The following TBL1X variants were observed in gnomAD, a reference collection of about 807,000 sequenced individuals.
TBL1X encodes the protein transducin beta like 1 X-linked, also known as F-box-like/WD repeat-containing protein TBL1X.
Under a neutral mutation model 50.7 loss-of-function variants are expected in TBL1X, and 10 were observed. The observed-to-expected ratio is 0.20, with a 90% CI of 0.12 to 0.33. The LOEUF is 0.33. Among genes scored for constraint, TBL1X ranks in the 10% least tolerant of loss-of-function variants. The pLI, the probability that TBL1X is intolerant of heterozygous loss-of-function variation, is 1.00. For missense variants in TBL1X, 340 were observed against 504.4 expected (o/e 0.67, Z 3.12); for synonymous variants, 190 against 214.7 (o/e 0.88, Z 1.01).
At chrX:9,479,970 G>GTGTGTGTGTGTGT (rs2081871803) in intron 1 of TBL1X, among the ~76,000 whole-genome samples, 2 of 109,860 alleles carry the variant, frequency 1.8e-5, no homozygotes, top group African/African-American at 3.3e-5. Flanking sequence ...GTGTGTTTGA[G>GTGTGTGTGTGTGT]ATGGAGTTTT....
At chrX:9,654,452 T>G in intron 5 of TBL1X, 130 bp downstream of exon 5, 1 of 729,194 alleles carries the variant, frequency 1.4e-6, no homozygotes, top group Non-Finnish European at 2.1e-6. Flanking sequence ...TTAGTGCTGA[T>G]GGGGAGAAGA....
intron 2 of TBL1X, among the ~76,000 whole-genome samples, chrX:9,526,548 T>C (rs184295214): frequency 1.3e-4 from 14 of 111,107 alleles, no homozygotes; most frequent in Admixed American, 1.1e-3. Context: ...TTTTCGGTTC[T>C]AAGCCCTGTG....
intron 1 of TBL1X, among the ~76,000 whole-genome samples, chrX:9,501,189 C>T (rs1420689324): frequency 6.3e-5 from 7 of 111,983 alleles, no homozygotes; most frequent in East Asian, 5.6e-4. Flanking sequence ...GTCAGACTGA[C>T]GTGGGTTTCA....
chrX:9,579,837 A>C (rs1360287087), intron 2 of TBL1X, among the ~76,000 whole-genome samples: 2 of 110,673 alleles, frequency 1.8e-5, no homozygotes, highest in Non-Finnish European at 3.8e-5. Flanking sequence ...ATGTTCTTTC[A>C]ACCACCGTGA....
intron 2 of TBL1X, among the ~76,000 whole-genome samples, chrX:9,611,049 C>A (rs996582756): frequency 8.9e-6 from 1 of 111,763 alleles, no homozygotes; most frequent in African/African-American, 3.3e-5. Context: ...CTCAAGATTC[C>A]ATTTTCTCTC....
chrX:9,623,051 C>A (rs927802975), intron 2 of TBL1X, among the ~76,000 whole-genome samples: 4 of 111,117 alleles, frequency 3.6e-5, no homozygotes, highest in African/African-American at 1.3e-4. Flanking sequence ...GAGGGCCTGC[C>A]ATACTGTTTT....
chrX:9,622,127 G>A (rs769567898), intron 2 of TBL1X, among the ~76,000 whole-genome samples: 4 of 110,520 alleles, frequency 3.6e-5, no homozygotes, highest in African/African-American at 1.3e-4. Flanking sequence ...GGGGTCTTTG[G>A]AAGACATATG....
intron 1 of TBL1X, among the ~76,000 whole-genome samples, chrX:9,492,625 T>C (rs1481115759): frequency 9.0e-6 from 1 of 111,518 alleles, no homozygotes; most frequent in Non-Finnish European, 1.9e-5. Context: ...AGCCCTTACC[T>C]CAGCTGGTGT....
At chrX:9,666,934 G>A (rs758398062) in intron 5 of TBL1X, among the ~76,000 whole-genome samples, 7 of 111,918 alleles carry the variant, frequency 6.3e-5, no homozygotes, top group Non-Finnish European at 9.4e-5. Flanking sequence ...ATGGAAATAC[G>A]GTTTTTGTTA....
At chrX:9,585,422 G>A (rs1301494753) in intron 2 of TBL1X, among the ~76,000 whole-genome samples, 1 of 100,867 alleles carries the variant, frequency 9.9e-6, no homozygotes, top group Non-Finnish European at 1.9e-5. Context: ...ATTTTAGTAA[G>A]CTGCCTAGGC....
intron 2 of TBL1X, among the ~76,000 whole-genome samples, chrX:9,595,663 A>C (rs996788033): frequency 9.0e-6 from 1 of 111,614 alleles, no homozygotes; most frequent in African/African-American, 3.3e-5. Flanking sequence ...TGGACTAAGC[A>C]CTCAAAGCCT....
intron 5 of TBL1X, among the ~76,000 whole-genome samples, chrX:9,666,145 C>G (rs1414925344): frequency 2.7e-5 from 3 of 111,566 alleles, no homozygotes; most frequent in African/African-American, 9.8e-5. Context: ...TTTTGGGGAT[C>G]CAAGATGTCA....
chrX:9,505,949 A>G (rs2082023776), intron 2 of TBL1X, among the ~76,000 whole-genome samples: 1 of 112,379 alleles, frequency 8.9e-6, no homozygotes, highest in Non-Finnish European at 1.9e-5. Flanking sequence ...GATCAAGTGG[A>G]CTTAGTAGAA....
chrX:9,655,058 C>T (rs1202968152), intron 5 of TBL1X, among the ~76,000 whole-genome samples: 1 of 111,516 alleles, frequency 9.0e-6, no homozygotes, highest in Admixed American at 9.6e-5. Context: ...GTTTGCCTCC[C>T]CGCCTTCCTC....
chrX:9,498,167 C>T (rs1033426213), intron 1 of TBL1X, among the ~76,000 whole-genome samples: 3 of 111,976 alleles, frequency 2.7e-5, no homozygotes, highest in African/African-American at 9.8e-5. Flanking sequence ...GCTTCAATAA[C>T]ATGGATACCT....
chrX:9,598,944 GTT>G (rs1194214733), intron 2 of TBL1X, among the ~76,000 whole-genome samples: 3 of 105,889 alleles, frequency 2.8e-5, no homozygotes, highest in Non-Finnish European at 3.9e-5. Context: ...GTTTTGTTTT[GTT>G]TTTTGTTTTT....
chrX:9,558,001 C>T (rs181585780), intron 2 of TBL1X, among the ~76,000 whole-genome samples: 46 of 111,991 alleles, frequency 4.1e-4, no homozygotes, highest in African/African-American at 1.4e-3. Flanking sequence ...GTCCACAGAC[C>T]CCCAGACATT....
Position 9,628,350 on chromosome X carries a change from G to A in TBL1X, c.-130-11923G>A, listed in dbSNP as rs146432932. 3.8e-4 allele frequency among the ~76,000 whole-genome samples: 42 copies of A among 111,423 alleles called. No individual in the cohort carries two copies. The East Asian group carries it at 0.011, about 30-fold the overall frequency. On this transcript the variant is annotated intron_variant, in intron 2 of 17. Transcript: ENST00000645353. The stretch of plus-strand genomic sequence containing the variant: ...ATGGTGACCACCATAAGTGTCTCCA[G>A]ACATTGTCCAATGTCCCCTGGGGGG...
chrX:9,673,933 G>C (rs951185558), intron 5 of TBL1X, among the ~76,000 whole-genome samples: 1 of 112,010 alleles, frequency 8.9e-6, no homozygotes, highest in Non-Finnish European at 1.9e-5. Flanking sequence ...GGGCATAGTG[G>C]TGCATGCCTG....
Sources: allele counts gnomAD v4.1 joint callset (sites outside exome capture counted in the v4.1 genomes callset), GRCh38; gene constraint gnomAD v4.1.1; transcripts MANE v1.5; gene names NCBI Gene and HGNC (gene_info 2026-07-23, HGNC 2026-07-21).